The following NDST3 variants were observed in gnomAD, a reference collection of about 807,000 sequenced individuals.
NDST3 encodes the protein N-deacetylase and N-sulfotransferase 3, also known as bifunctional heparan sulfate N-deacetylase/N-sulfotransferase 3.
A neutral mutation model predicts 96.1 loss-of-function variants in NDST3; 58 were observed. The observed-to-expected ratio is 0.60, with a 90% CI of 0.49 to 0.75. The LOEUF is 0.75. NDST3 is among the 30% of genes least tolerant of loss of function. The pLI is 0.00. For missense variants in NDST3, 788 were observed against 1,034.2 expected, an observed-to-expected ratio of 0.76 and a Z score of 3.27; for synonymous variants, 333 against 359.7, an observed-to-expected ratio of 0.93 and a Z score of 0.84.
chr4:118,098,789 T>C (rs1187327923), intron 2 of NDST3, among the ~76,000 whole-genome samples: 1 of 152,102 alleles, frequency 6.6e-6, no homozygotes, highest in African/African-American at 2.4e-5. Context: ...AGGGTTTATA[T>C]GAAGGATATA....
chr4:118,146,840 C>CT (rs1463546058), intron 6 of NDST3, among the ~76,000 whole-genome samples: 1 of 152,128 alleles, frequency 6.6e-6, no homozygotes, highest in Non-Finnish European at 1.5e-5. Flanking sequence ...AGCAGGCTAT[C>CT]TGAGCCTGGA....
At chr4:118,036,783 GA>G (rs941024141) in intron 1 of NDST3, among the ~76,000 whole-genome samples, 4 of 150,380 alleles carry the variant, frequency 2.7e-5, no homozygotes, top group African/African-American at 9.7e-5. Flanking sequence ...TACAGGACAA[GA>G]AAAAAAAAGT....
intron 6 of NDST3, among the ~76,000 whole-genome samples, chr4:118,159,584 C>T (rs1734954429): frequency 6.6e-6 from 1 of 152,076 alleles, no homozygotes; most frequent in African/African-American, 2.4e-5. Flanking sequence ...AAATAAGTCT[C>T]CAGAAACCAA....
At chr4:118,066,227 TATATATTATATATTA>T (rs1726379955) in intron 2 of NDST3, among the ~76,000 whole-genome samples, 1 of 66,904 alleles carries the variant, frequency 1.5e-5, no homozygotes, top group Non-Finnish European at 2.6e-5. Flanking sequence ...TAATATATTA[TATATATTATATATTA>T]TATATATTAT....
chr4:118,084,546 C>T (rs1251101457), intron 2 of NDST3, among the ~76,000 whole-genome samples: 1 of 152,088 alleles, frequency 6.6e-6, no homozygotes, highest in Non-Finnish European at 1.5e-5. Context: ...GACAGTGTGA[C>T]ATCTTTGAGA....
chr4:118,140,125 A>C (rs989643446), intron 5 of NDST3, among the ~76,000 whole-genome samples: 4 of 151,988 alleles, frequency 2.6e-5, no homozygotes, highest in Non-Finnish European at 4.4e-5. Context: ...GCTGAAGCAC[A>C]CTCACTCCAA....
chr4:118,149,739 C>A (rs1390321804), intron 6 of NDST3, among the ~76,000 whole-genome samples: 1 of 149,858 alleles, frequency 6.7e-6, no homozygotes, highest in African/African-American at 2.4e-5. Context: ...TAATTGAATA[C>A]CCTTTATTTC....
chr4:118,149,403 C>A (rs1734210103), intron 6 of NDST3, among the ~76,000 whole-genome samples: 1 of 149,970 alleles, frequency 6.7e-6, no homozygotes, highest in Non-Finnish European at 1.5e-5. Flanking sequence ...AATGTTCTTC[C>A]ATTTGTTTGT....
intron 6 of NDST3, among the ~76,000 whole-genome samples, chr4:118,161,890 C>A (rs1465917362): frequency 6.6e-6 from 1 of 152,120 alleles, no homozygotes; most frequent in Non-Finnish European, 1.5e-5. Flanking sequence ...TGTCCTGCGC[C>A]CACTGTCTGG....
At chr4:118,123,341 G>A (rs186410368) in intron 4 of NDST3, among the ~76,000 whole-genome samples, 382 of 152,232 alleles carry the variant, frequency 2.5e-3, no homozygotes, top group Admixed American at 5.3e-3. Context: ...TTTTCAGGGA[G>A]ATTAAATGTG....
chr4:118,231,016 T>A (rs1182569822), intron 8 of NDST3, among the ~76,000 whole-genome samples: 1 of 152,084 alleles, frequency 6.6e-6, no homozygotes. Flanking sequence ...AAATAAACAC[T>A]AAAATACTAC....
intron 2 of NDST3, among the ~76,000 whole-genome samples, chr4:118,087,465 T>C (rs143311880): frequency 4.7e-4 from 72 of 152,226 alleles, no homozygotes; most frequent in Non-Finnish European, 9.4e-4. Flanking sequence ...CATTCACAGA[T>C]TCAGGGAACC....
At chr4:118,154,804 T>C (rs999930945) in intron 6 of NDST3, among the ~76,000 whole-genome samples, 3 of 152,172 alleles carry the variant, frequency 2.0e-5, no homozygotes, top group Non-Finnish European at 4.4e-5. Flanking sequence ...CAACACACTG[T>C]TTCTGCACGC....
intron 4 of NDST3, among the ~76,000 whole-genome samples, chr4:118,122,343 T>A (rs1731666643): frequency 6.6e-6 from 1 of 152,202 alleles, no homozygotes; most frequent in Admixed American, 6.5e-5. Flanking sequence ...ACTTGCATTC[T>A]GAGAGGTGGT....
At chr4:118,125,715 C>G (rs925526857) in intron 4 of NDST3, among the ~76,000 whole-genome samples, 1 of 151,926 alleles carries the variant, frequency 6.6e-6, no homozygotes, top group African/African-American at 2.4e-5. Flanking sequence ...TTGTACAACC[C>G]CTTTATTTTA....
chr4:118,094,044 G>A (rs915398430), intron 2 of NDST3, among the ~76,000 whole-genome samples: 8 of 151,754 alleles, frequency 5.3e-5, no homozygotes, highest in Admixed American at 4.0e-4. Flanking sequence ...TCCCAATCAT[G>A]AGAGCTCCAC....
At chr4:118,132,443 G>A (rs1732711260) in intron 4 of NDST3, among the ~76,000 whole-genome samples, 1 of 152,028 alleles carries the variant, frequency 6.6e-6, no homozygotes, top group African/African-American at 2.4e-5. Context: ...TGCCTGGCCT[G>A]GGATTCACCC....
At chr4:118,060,195 T>G (rs1460674619) in intron 2 of NDST3, among the ~76,000 whole-genome samples, 1 of 152,134 alleles carries the variant, frequency 6.6e-6, no homozygotes, top group African/African-American at 2.4e-5. Context: ...CCAACTCTGA[T>G]GGTTGATTGT....
intron 6 of NDST3, among the ~76,000 whole-genome samples, chr4:118,214,526 TA>T (rs1199680596): frequency 1.3e-5 from 2 of 152,200 alleles, no homozygotes; most frequent in Non-Finnish European, 2.9e-5. Context: ...TTATTTTTCA[TA>T]ATGTGGCTAC....
Sources: gnomAD v4.1 joint callset for allele counts (sites outside exome capture counted in the v4.1 genomes callset) on GRCh38, gnomAD v4.1.1 for gene constraint, MANE v1.5 for transcripts, NCBI Gene and HGNC (gene_info 2026-07-23, HGNC 2026-07-21) for gene names.